Variants in AUTS2 observed in about 807,000 individuals in gnomAD.
The protein encoded by AUTS2 is activator of transcription and developmental regulator AUTS2, also known as autism susceptibility gene 2 protein.
Under a neutral mutation model 112.4 loss-of-function variants are expected in AUTS2, and 17 were observed. That is an observed-to-expected ratio of 0.15 (90% confidence interval 0.10 to 0.23). The LOEUF is 0.23. AUTS2 is among the 10% of genes least tolerant of loss of function. The probability of loss-of-function intolerance (pLI) is 1.00; values close to 1 mark genes in which losing one functional copy is unlikely to be tolerated. For synonymous variants in AUTS2, 751 were observed against 702.7 expected, an observed-to-expected ratio of 1.07 and a Z score of -1.09; for missense variants, 1,510 against 1,701.6, an observed-to-expected ratio of 0.89 and a Z score of 1.98.
rs375994761 is a variant in AUTS2, at chr7:69,745,460, T to C, written c.309+145498T>C. On this transcript the variant is annotated intron_variant, in intron 1 of 18. Coordinates refer to ENST00000342771, the MANE Select transcript of AUTS2 (RefSeq NM_015570.4). ...AAATTTGAAATGCACTTTTGCCTCCTTTGCACTGTTACCACTGCATCAGAG... is the reference window on the plus strand; with the variant it reads ...AAATTTGAAATGCACTTTTGCCTCCCTTGCACTGTTACCACTGCATCAGAG... Among the ~76,000 whole-genome samples, 18 of 152,204 alleles carry C rather than the reference T, an allele frequency of 1.2e-4. No individual in the cohort carries two copies. In the East Asian group the frequency reaches 1.9e-3, roughly 16 times the overall value.
intron 6 of AUTS2, among the ~76,000 whole-genome samples, chr7:70,700,459 C>T (rs1809389174): frequency 6.6e-6 from 1 of 152,168 alleles, no homozygotes; most frequent in Admixed American, 6.5e-5. Context: ...CTTTTCTCCT[C>T]CAGAGTTTCC....
At position 70,295,431 on chromosome 7, in the gene AUTS2, C is replaced by G. The variant is rs186939038; in HGVS notation, c.661-140321C>G. ...GAATGCTGACTCCTACTGCTTAAAC[C>G]TCCGTTCTCTCTCTGTTTTTATCTT... On this transcript the variant is annotated intron_variant, in intron 4 of 18. Coordinates refer to ENST00000342771, the MANE Select transcript of AUTS2 (RefSeq NM_015570.4). Among the ~76,000 whole-genome samples the G allele has an allele frequency of 2.0e-4, 30 of 152,288 alleles. No homozygotes were observed. In the East Asian group the frequency reaches 5.4e-3, roughly 27 times the overall value.
At chr7:70,387,454 C>T (rs1793663846) in intron 4 of AUTS2, among the ~76,000 whole-genome samples, 1 of 152,138 alleles carries the variant, frequency 6.6e-6, no homozygotes, top group Admixed American at 6.5e-5. Flanking sequence ...AATATGGGTG[C>T]CCACTCTTTT....
At chr7:70,498,285 C>T (rs35927923) in intron 5 of AUTS2, among the ~76,000 whole-genome samples, 1 of 152,168 alleles carries the variant, frequency 6.6e-6, no homozygotes, top group Non-Finnish European at 1.5e-5. Context: ...TTCTTAAATT[C>T]TGAGGTTGGT....
At chr7:69,622,316 G>C (rs1359368677) in intron 1 of AUTS2, among the ~76,000 whole-genome samples, 1 of 152,158 alleles carries the variant, frequency 6.6e-6, no homozygotes, top group African/African-American at 2.4e-5. Context: ...CAGTTTACTA[G>C]GTGGCTTCCA....
chr7:70,361,791 G>C (rs1276764259), intron 4 of AUTS2, among the ~76,000 whole-genome samples: 3 of 152,136 alleles, frequency 2.0e-5, no homozygotes, highest in Admixed American at 6.6e-5. Context: ...GCTGGGTTCT[G>C]CCTGTGACTT....
intron 5 of AUTS2, among the ~76,000 whole-genome samples, chr7:70,612,884 C>A (rs1436979301): frequency 6.6e-6 from 1 of 151,842 alleles, no homozygotes; most frequent in Non-Finnish European, 1.5e-5. Flanking sequence ...GGTGGTGGAT[C>A]ATTAATGGTG....
intron 4 of AUTS2, among the ~76,000 whole-genome samples, chr7:70,296,731 T>C (rs1788953917): frequency 1.3e-5 from 2 of 152,198 alleles, no homozygotes; most frequent in Non-Finnish European, 2.9e-5. Flanking sequence ...TAATAAATCA[T>C]TGTGTACATC....
chr7:69,829,476 T>A (rs1439519997), intron 1 of AUTS2, among the ~76,000 whole-genome samples: 1 of 151,650 alleles, frequency 6.6e-6, no homozygotes, highest in Non-Finnish European at 1.5e-5. Context: ...ATGGGAGAAA[T>A]TTTTGCAATC....
At chr7:70,423,614 C>G (rs1795311277) in intron 4 of AUTS2, among the ~76,000 whole-genome samples, 1 of 152,130 alleles carries the variant, frequency 6.6e-6, no homozygotes, top group African/African-American at 2.4e-5. Context: ...AAGAATAAGT[C>G]CAAGCTACTT....
intron 5 of AUTS2, among the ~76,000 whole-genome samples, chr7:70,482,289 C>A (rs1166498243): frequency 6.6e-6 from 1 of 152,132 alleles, no homozygotes; most frequent in Non-Finnish European, 1.5e-5. Flanking sequence ...ACCTCTGGGG[C>A]ACTTCGTCCT....
chr7:69,899,532 G>A (rs769084277), intron 2 of AUTS2, 34 bp downstream of exon 2: 30 of 1,601,198 alleles, frequency 1.9e-5, no homozygotes, highest in Middle Eastern at 3.4e-4. Flanking sequence ...TTCCTGTGGC[G>A]GCAAAATCCC....
At chr7:70,290,636 T>C in intron 4 of AUTS2, 1 of 1,396,432 alleles carries the variant, frequency 7.2e-7, no homozygotes, top group Non-Finnish European at 9.2e-7. Flanking sequence ...CAGTGTGTTT[T>C]AGTTTAACCT....
At chr7:69,945,713 C>T (rs374538006) in intron 2 of AUTS2, among the ~76,000 whole-genome samples, 21 of 152,108 alleles carry the variant, frequency 1.4e-4, no homozygotes, top group African/African-American at 4.3e-4. Context: ...CAGTAATCAC[C>T]GTGACTGTAC....
chr7:69,658,249 A>C (rs1200316871), intron 1 of AUTS2, among the ~76,000 whole-genome samples: 3 of 152,270 alleles, frequency 2.0e-5, no homozygotes, highest in Admixed American at 2.0e-4. Context: ...GGCACTTCAC[A>C]GAAGTAGTTT....
At chr7:70,153,359 C>T (rs1487336388) in intron 4 of AUTS2, among the ~76,000 whole-genome samples, 2 of 152,036 alleles carry the variant, frequency 1.3e-5, no homozygotes, top group East Asian at 3.8e-4. Flanking sequence ...ATATAAAATG[C>T]TAGAAAAAGC....
chr7:70,152,517 C>G (rs1807499987), intron 4 of AUTS2, among the ~76,000 whole-genome samples: 1 of 151,154 alleles, frequency 6.6e-6, no homozygotes, highest in African/African-American at 2.4e-5. Flanking sequence ...AATTGTATAC[C>G]CAGTGAATAT....
At chr7:69,622,876 TCCTCCCA>T (rs1445904837) in intron 1 of AUTS2, among the ~76,000 whole-genome samples, 1 of 152,226 alleles carries the variant, frequency 6.6e-6, no homozygotes, top group African/African-American at 2.4e-5. Context: ...CCTAAAGGAA[TCCTCCCA>T]CCTCAGCCTC....
intron 1 of AUTS2, among the ~76,000 whole-genome samples, chr7:69,753,405 G>T (rs1231538746): frequency 6.6e-6 from 1 of 151,982 alleles, no homozygotes; most frequent in Non-Finnish European, 1.5e-5. Flanking sequence ...AATGAGTCAG[G>T]ATGCCCTCCA....
Sources: gnomAD v4.1 joint callset for allele counts (sites outside exome capture counted in the v4.1 genomes callset) on GRCh38, gnomAD v4.1.1 for gene constraint, MANE v1.5 for transcripts, NCBI Gene and HGNC (gene_info 2026-07-23, HGNC 2026-07-21) for gene names.